NPSR1: variants seen among roughly 807,000 people sequenced by gnomAD.
NPSR1 encodes neuropeptide S receptor 1.
Under a neutral mutation model 46.9 loss-of-function variants are expected in NPSR1, and 48 were observed. That is an observed-to-expected ratio of 1.02 (90% confidence interval 0.81 to 1.30). The LOEUF (loss-of-function observed/expected upper bound fraction) is 1.30, where lower values mean the gene tolerates loss of function less well. Ranked by LOEUF, NPSR1 falls within the 50% of genes most tolerant of loss-of-function variation. The pLI, the probability that NPSR1 is intolerant of heterozygous loss-of-function variation, is 0.00. For synonymous variants in NPSR1, 176 were observed against 168.1 expected, an observed-to-expected ratio of 1.05 and a Z score of -0.36; for missense variants, 450 against 449.5, an observed-to-expected ratio of 1.00 and a Z score of -0.01.
intron 2 of NPSR1, among the ~76,000 whole-genome samples, chr7:34,689,771 C>A (rs2128688559): frequency 6.6e-6 from 1 of 151,422 alleles, no homozygotes; most frequent in Non-Finnish European, 1.5e-5. Context: ...AGTGAGACCC[C>A]CATCTCTGCA....
intron 2 of NPSR1, among the ~76,000 whole-genome samples, chr7:34,740,724 TC>T (rs1479858059): frequency 6.6e-6 from 1 of 152,198 alleles, no homozygotes; most frequent in Admixed American, 6.5e-5. Context: ...TTTCCCACTT[TC>T]ACAGTTTGGG....
chr7:34,818,111 AAAG>A (rs1789344749), intron 4 of NPSR1, among the ~76,000 whole-genome samples: 1 of 149,510 alleles, frequency 6.7e-6, no homozygotes, highest in Admixed American at 6.7e-5. Flanking sequence ...TCAATTAGGA[AAAG>A]AAGAAGTCAA....
intron 1 of NPSR1, among the ~76,000 whole-genome samples, chr7:34,667,068 T>A (rs574205824): frequency 6.6e-6 from 1 of 152,268 alleles, no homozygotes; most frequent in Non-Finnish European, 1.5e-5. Context: ...TTGCTCATTT[T>A]TTCATGATGG....
chr7:34,754,042 A>T (rs1785685561), intron 2 of NPSR1, among the ~76,000 whole-genome samples: 2 of 152,126 alleles, frequency 1.3e-5, no homozygotes, highest in African/African-American at 4.8e-5. Flanking sequence ...TAAATTCATA[A>T]AACTTTGACA....
chr7:34,818,517 C>T (rs1789371180), intron 4 of NPSR1, among the ~76,000 whole-genome samples: 1 of 152,122 alleles, frequency 6.6e-6, no homozygotes, highest in Non-Finnish European at 1.5e-5. Context: ...AGATTCAGTG[C>T]CATCCCCATC....
chr7:34,761,478 G>A (rs1786170818), intron 2 of NPSR1, among the ~76,000 whole-genome samples: 1 of 152,190 alleles, frequency 6.6e-6, no homozygotes, highest in Non-Finnish European at 1.5e-5. Context: ...GGGGATCTGA[G>A]CAGCATATCT....
At position 34,725,061 on chromosome 7, in the gene NPSR1, C is replaced by T. The variant is rs1395638402; in HGVS notation, c.280+40377C>T. Among the ~76,000 whole-genome samples, 10 of 151,082 alleles carry T rather than the reference C, an allele frequency of 6.6e-5. No homozygotes were observed. In the Admixed American group the frequency reaches 6.6e-4, roughly 10 times the overall value. On this transcript the variant is annotated intron_variant, in intron 2 of 8. Transcript: ENST00000360581. ...GAAAAGGAGCAAAAAAGGAAAGGGACCTCTGAAACCCTTCTAAGTACCCAC... is the reference window on the plus strand; with the variant it reads ...GAAAAGGAGCAAAAAAGGAAAGGGATCTCTGAAACCCTTCTAAGTACCCAC...
chr7:34,756,182 C>T (rs1308710862), intron 2 of NPSR1, among the ~76,000 whole-genome samples: 1 of 152,128 alleles, frequency 6.6e-6, no homozygotes, highest in Non-Finnish European at 1.5e-5. Flanking sequence ...TTCTCCCCAC[C>T]GCCCCCCTAC....
In NPSR1 at chr7:34,836,606, G is replaced by A. The variant is rs570656810; in HGVS notation, c.757+2146G>A. On this transcript the variant is annotated intron_variant, in intron 6 of 8. Transcript: ENST00000360581. ...TGAGGGAGAAAGAAAGAGTGAGAGA[G>A]AAAGAGTGAGGAAAGAAAAGAAGAA... is the stretch of plus-strand genomic sequence containing the variant. 6.6e-5 allele frequency among the ~76,000 whole-genome samples: 10 copies of A among 150,602 alleles called. No individual in the cohort carries two copies. The South Asian group carries it at 2.1e-3, about 32-fold the overall frequency.
intron 1 of NPSR1, among the ~76,000 whole-genome samples, chr7:34,678,370 C>A (rs1792435429): frequency 6.6e-6 from 1 of 151,772 alleles, no homozygotes; most frequent in African/African-American, 2.4e-5. Context: ...TACAAGCACG[C>A]ACCACCACGA....
chr7:34,710,887 G>A, intron 2 of NPSR1: 2 of 417,152 alleles, frequency 4.8e-6, no homozygotes, highest in Non-Finnish European at 4.5e-6. Flanking sequence ...GCTTCCAAAG[G>A]CAAGTTGGAA....
chr7:34,789,740 C>CAAAAAAAAAAA (rs751424409), intron 3 of NPSR1, among the ~76,000 whole-genome samples: 2 of 45,348 alleles, frequency 4.4e-5, no homozygotes, highest in Admixed American at 3.2e-4. Context: ...TTGCAGTGCG[C>CAAAAAAAAAAA]AAAAAAAAAA....
chr7:34,828,690 A>C (rs1280799768), intron 5 of NPSR1, among the ~76,000 whole-genome samples: 2 of 152,204 alleles, frequency 1.3e-5, no homozygotes, highest in Non-Finnish European at 2.9e-5. Flanking sequence ...TGTGATAAAA[A>C]TCCTTGTACT....
chr7:34,670,241 C>T (rs1486560568), intron 1 of NPSR1, among the ~76,000 whole-genome samples: 1 of 152,062 alleles, frequency 6.6e-6, no homozygotes, highest in Non-Finnish European at 1.5e-5. Flanking sequence ...GTAAGCAAAA[C>T]ATTACAGAAC....
downstream of NPSR1, among the ~76,000 whole-genome samples, chr7:34,851,004 G>A (rs572285717): frequency 6.6e-6 from 1 of 152,202 alleles, no homozygotes; most frequent in South Asian, 2.1e-4. Flanking sequence ...ATGTTTTCTA[G>A]TCAATTTCTC....
At chr7:34,751,570 T>C (rs1162066987) in intron 2 of NPSR1, 1 of 1,598,818 alleles carries the variant, frequency 6.3e-7, no homozygotes, top group East Asian at 2.2e-5. Flanking sequence ...ATCTTTGGTC[T>C]TGTGCTCCTG....
chr7:34,760,608 C>T (rs1294724094), intron 2 of NPSR1, among the ~76,000 whole-genome samples: 1 of 152,130 alleles, frequency 6.6e-6, no homozygotes, highest in African/African-American at 2.4e-5. Context: ...AATATCAAAT[C>T]ATAACTGCAG....
At chr7:34,705,508 T>C (rs1227094067) in intron 2 of NPSR1, among the ~76,000 whole-genome samples, 1 of 151,788 alleles carries the variant, frequency 6.6e-6, no homozygotes, top group Admixed American at 6.6e-5. Flanking sequence ...TTTTGATCAA[T>C]GTTTGTTTTA....
chr7:34,809,463 T>A (rs893366600), intron 3 of NPSR1, among the ~76,000 whole-genome samples: 1 of 143,342 alleles, frequency 7.0e-6, no homozygotes, highest in African/African-American at 2.6e-5. Context: ...CCCAGGTATT[T>A]TTTTTTTTTT....
Sources: allele counts gnomAD v4.1 joint callset (sites outside exome capture counted in the v4.1 genomes callset), GRCh38; gene constraint gnomAD v4.1.1; transcripts MANE v1.5; gene names NCBI Gene and HGNC (gene_info 2026-07-23, HGNC 2026-07-21).